Variants in TIAM1 observed in about 807,000 individuals in gnomAD.
The protein encoded by TIAM1 is TIAM Rac1 associated GEF 1.
A neutral mutation model predicts 163.5 loss-of-function variants in TIAM1; 65 were observed. The observed-to-expected ratio is 0.40, with a 90% CI of 0.33 to 0.49. The LOEUF (loss-of-function observed/expected upper bound fraction) is 0.49. Among genes scored for constraint, TIAM1 ranks in the 20% least tolerant of loss-of-function variants. TIAM1 has a pLI of 0.77. For synonymous variants in TIAM1, 833 were observed against 810.1 expected, an observed-to-expected ratio of 1.03 and a Z score of -0.48; for missense variants, 1,789 against 2,044.7, an observed-to-expected ratio of 0.87 and a Z score of 2.41.
chr21:31,231,393 A>C lies in TIAM1; in HGVS notation c.1585-5443T>G, dbSNP rs184185929. On this transcript the variant is annotated intron_variant, in intron 6 of 27. Transcript: ENST00000541036. The stretch of plus-strand genomic sequence containing the variant: ...ACTTGGAACCCCAAGAAAGACCATA[A>C]TCTGATATGTTCTGTGGAACTGCAG... 3.5e-4 allele frequency among the ~76,000 whole-genome samples: 53 copies of C among 152,264 alleles called. No individual in the cohort carries two copies. The East Asian group carries it at 9.6e-3, about 28-fold the overall frequency.
Position 31,127,066 on chromosome 21 carries a change from T to C in TIAM1, c.4132A>G (p.Ser1378Gly), listed in dbSNP as rs2082227116. 6.2e-7 allele frequency: 1 copy of C among 1,613,952 alleles called. No individual in the cohort carries two copies. ...TCGACTTTACAGGCCCAGGCTCACC[T>C]GCAGCACAAGTGAAAGACCCTCTCC... Reference protein sequence around the residue: ...RPERVFHLCCSSPESRKDFLK... With the variant: ...RPERVFHLCCGSPESRKDFLK... The change falls in exon 26 of 28, where the codon AGC becomes GGC. Residue 1378 changes from serine (S) to glycine (G), a missense_variant and splice_region_variant. Physicochemically the swap from Ser to Gly is moderately conservative, Grantham distance 56. This residue lies in a region of TIAM1 where 415 missense variants were observed against 439.2 expected (regional missense o/e 0.94). Coordinates refer to ENST00000541036, the MANE Select transcript of TIAM1 (RefSeq NM_001353694.2).
intron 2 of TIAM1, among the ~76,000 whole-genome samples, chr21:31,285,404 G>T (rs2073764893): frequency 6.6e-6 from 1 of 152,200 alleles, no homozygotes; most frequent in Non-Finnish European, 1.5e-5. Flanking sequence ...CGGGGATGGG[G>T]TGTGAAAATC....
intron 2 of TIAM1, among the ~76,000 whole-genome samples, chr21:31,423,388 G>A (rs191952543): frequency 5.9e-5 from 9 of 152,070 alleles, no homozygotes; most frequent in South Asian, 4.2e-4. Flanking sequence ...GTGAGCCACC[G>A]CGCCCAGCCT....
In TIAM1 at chr21:31,195,150, T is replaced by C. The variant is rs371186232; in HGVS notation, c.2575+74A>G. The C allele has an allele frequency of 2.3e-5, 30 of 1,280,480 alleles. No homozygotes were observed. In the East Asian group the frequency reaches 3.3e-4, roughly 14 times the overall value. 79.3% of individuals were successfully genotyped at this position (1,280,480 alleles called of 1,614,324 possible). On this transcript the variant is annotated intron_variant, in intron 13 of 27. Transcript: ENST00000541036. ...TAGATAGGACTCAAAGGCATTTTGT[T>C]GAACTGTAAATAAATGCATGCTTAC...
At chr21:31,162,239 A>G (rs992166869) in intron 16 of TIAM1, among the ~76,000 whole-genome samples, 156 of 152,294 alleles carry the variant, frequency 1.0e-3, no homozygotes, top group African/African-American at 3.0e-3. Flanking sequence ...AGATAATAGT[A>G]TCTCCCTCAA....
chr21:31,392,107 G>A (rs1305537812), intron 2 of TIAM1, among the ~76,000 whole-genome samples: 1 of 152,132 alleles, frequency 6.6e-6, no homozygotes. Flanking sequence ...TAGGATGTTC[G>A]GTAGATTAGG....
intron 2 of TIAM1, among the ~76,000 whole-genome samples, chr21:31,359,142 A>G (rs980958380): frequency 1.3e-5 from 2 of 152,012 alleles, no homozygotes; most frequent in African/African-American, 4.8e-5. Flanking sequence ...AGAACTGCCC[A>G]CCCACCCAAA....
At chr21:31,197,523 C>T (rs1219097226) in intron 12 of TIAM1, among the ~76,000 whole-genome samples, 2 of 150,164 alleles carry the variant, frequency 1.3e-5, no homozygotes, top group African/African-American at 4.9e-5. Flanking sequence ...CTACAGGCGC[C>T]CGCCACCGCG....
At chr21:31,323,071 T>C (rs959161034) in intron 2 of TIAM1, among the ~76,000 whole-genome samples, 12 of 150,266 alleles carry the variant, frequency 8.0e-5, no homozygotes, top group Non-Finnish European at 1.3e-4. Context: ...ATGTGGATCA[T>C]GAGGTCAAGA....
chr21:31,287,255 C>CTA (rs1379043540), intron 2 of TIAM1, among the ~76,000 whole-genome samples: 1 of 152,122 alleles, frequency 6.6e-6, no homozygotes, highest in Non-Finnish European at 1.5e-5. Flanking sequence ...ACGCTTAGGG[C>CTA]TATCTAAAAA....
chr21:31,368,579 T>G (rs1021579177), intron 2 of TIAM1, among the ~76,000 whole-genome samples: 6 of 152,140 alleles, frequency 3.9e-5, no homozygotes, highest in African/African-American at 1.4e-4. Flanking sequence ...GAAAAAAGCA[T>G]TTCAAGAAAG....
At chr21:31,446,276 T>C (rs2044621817) in intron 2 of TIAM1, among the ~76,000 whole-genome samples, 1 of 152,180 alleles carries the variant, frequency 6.6e-6, no homozygotes, top group African/African-American at 2.4e-5. Flanking sequence ...TACCATTGGC[T>C]GAAATTTCTG....
chr21:31,352,196 G>T (rs1442260245), intron 2 of TIAM1, among the ~76,000 whole-genome samples: 1 of 152,144 alleles, frequency 6.6e-6, no homozygotes, highest in Non-Finnish European at 1.5e-5. Flanking sequence ...CCCATCAGAT[G>T]AATGAATAAA....
chr21:31,235,144 C>T (rs572231470), intron 6 of TIAM1, among the ~76,000 whole-genome samples: 2 of 152,054 alleles, frequency 1.3e-5, no homozygotes, highest in Non-Finnish European at 2.9e-5. Context: ...GGACAATGTG[C>T]CAGGGGAGGG....
chr21:31,297,144 AACTC>A lies in TIAM1; in HGVS notation c.-188-20240_-188-20237del, dbSNP rs371661197. Among the ~76,000 whole-genome samples, 212 of 152,336 alleles carry A rather than the reference AACTC, an allele frequency of 1.4e-3. 4 individuals are homozygous for A. The South Asian group carries it at 0.021, about 15-fold the overall frequency. ...GTGAGTAAATTAAGAAAATGAATAA[AACTC>A]AATTACAATTTCACATTATATAAAA... is the stretch of plus-strand genomic sequence containing the variant. On this transcript the variant is annotated intron_variant, in intron 2 of 27. Coordinates refer to ENST00000541036, the MANE Select transcript of TIAM1 (RefSeq NM_001353694.2).
intron 9 of TIAM1, among the ~76,000 whole-genome samples, chr21:31,213,677 G>A (rs755531916): frequency 2.0e-5 from 3 of 148,860 alleles, no homozygotes; most frequent in African/African-American, 5.2e-5. Context: ...ACTTCCCTAC[G>A]TGTTTGACAG....
intron 2 of TIAM1, among the ~76,000 whole-genome samples, chr21:31,391,157 G>A (rs921495556): frequency 4.6e-5 from 7 of 152,114 alleles, no homozygotes; most frequent in African/African-American, 1.7e-4. Context: ...TTTAAAGGGG[G>A]CTTCTTTGTG....
chr21:31,142,633 AAAAAAAAAAAAAAGAAAG>A (rs2082904429), intron 20 of TIAM1, among the ~76,000 whole-genome samples: 1 of 31,214 alleles, frequency 3.2e-5, no homozygotes, highest in Non-Finnish European at 5.4e-5. Flanking sequence ...TCCGTCTCAA[AAAAAAAAAAAAAAGAAAG>A]AAAAAAAGAA....
At chr21:31,451,725 G>GCA (rs879852452) in intron 2 of TIAM1, among the ~76,000 whole-genome samples, 5,026 of 132,754 alleles carry the variant, frequency 0.038, 117 homozygotes, top group Middle Eastern at 0.078. Flanking sequence ...GTGCGTGTGT[G>GCA]TGTGTGTGTG....
Sources: allele counts gnomAD v4.1 joint callset (sites outside exome capture counted in the v4.1 genomes callset), GRCh38; gene constraint gnomAD v4.1.1; regional missense constraint gnomAD v4.1.1; transcripts MANE v1.5; gene names NCBI Gene and HGNC (gene_info 2026-07-23, HGNC 2026-07-21).